CXCL5: variants seen among roughly 807,000 people sequenced by gnomAD.
CXCL5 encodes the protein C-X-C motif chemokine ligand 5.
CXCL5 carries 13 observed loss-of-function variants against 12.1 expected under a neutral mutation model. The ratio of observed to expected loss-of-function variants is 1.08; its 90% CI spans 0.70 to 1.71. The LOEUF (loss-of-function observed/expected upper bound fraction) is 1.71. CXCL5 is among the 40% of genes most tolerant of loss of function. The probability of loss-of-function intolerance (pLI) is 0.00; values close to 1 mark genes in which losing one functional copy is unlikely to be tolerated. For missense variants in CXCL5, 159 were observed against 142.4 expected, an observed-to-expected ratio of 1.12 and a Z score of -0.59; for synonymous variants, 67 against 59.0, an observed-to-expected ratio of 1.14 and a Z score of -0.62.
Position 73,998,050 on chromosome 4 carries a change from G to A in CXCL5, c.288C>T (p.Ala96=). ...TCTGGATGACTTTCTTTAGAAAAGG[G>A]GCTTCTGGATCAAGACAAATTTCCT... ...NGKEICLDPE[A]PFLKKVIQKI... The change falls in exon 3 of 4, where the codon GCC becomes GCT. Residue 96 remains alanine (A), a synonymous_variant. Transcript: ENST00000296027. 1 of 1,614,092 alleles carries A rather than the reference G, an allele frequency of 6.2e-7. No individual in the cohort carries two copies. The highest frequency in any genetic ancestry group is 1.1e-5 in the South Asian group (1 of 91,052).
intron 2 of CXCL5, 55 bp from the exon 3 acceptor site, chr4:73,998,150 G>A: frequency 3.1e-6 from 5 of 1,613,886 alleles, no homozygotes; most frequent in Non-Finnish European, 4.2e-6. Context: ...GAAGACCCAG[G>A]CTGCGGGATT....
rs1719221652 is a variant in CXCL5 at position 73,997,522 on chromosome 4, A to C, written c.*115T>G. The C allele has an allele frequency of 2.4e-6, 2 of 833,154 alleles. No individual in the cohort carries two copies. Among genetic ancestry groups the C allele is most frequent in the African/African-American group, 1.7e-5 (1 of 57,864 alleles). The allele number at this position is 833,154 out of a possible 1,614,324, so 51.6% of individuals were successfully genotyped here. A position where few individuals can be genotyped will look rare whatever the true frequency, so the allele number is the denominator to read the frequency against. ...AAGAAAGCTAACTACTGGAAAAACA[A>C]ATAAACAAACAACAACAAAATCTTT... On this transcript the variant is annotated 3_prime_UTR_variant, in exon 4 of 4. Coordinates refer to ENST00000296027, the MANE Select transcript of CXCL5 (RefSeq NM_002994.5).
At position 73,997,601 on chromosome 4, in the gene CXCL5, C is replaced by G; in HGVS notation, c.*36G>C. On this transcript the variant is annotated 3_prime_UTR_variant, in exon 4 of 4. Transcript: ENST00000296027. ...CTCCAGAAAACTTCTCTGCTGAAGA[C>G]TGGGAAACTTTTCCATGCGTGCTCA... The G allele has an allele frequency of 6.3e-7, 1 of 1,585,808 alleles. No individual in the cohort carries two copies. Among genetic ancestry groups the G allele is most frequent in the African/African-American group, 1.4e-5 (1 of 73,848 alleles).
Position 73,995,816 on chromosome 4 carries a change from A to G in CXCL5, c.*1821T>C, listed in dbSNP as rs1275675416. 6.7e-6 allele frequency: 1 copy of G among 148,722 alleles called. No individual in the cohort carries two copies. The highest frequency in any genetic ancestry group is 1.5e-5 in the Non-Finnish European group (1 of 67,316). The allele number at this position is 148,722 out of a possible 1,614,324, so 9.2% of individuals were successfully genotyped here. On this transcript the variant is annotated 3_prime_UTR_variant, in exon 4 of 4. Transcript: ENST00000296027. ...TACACAATAGGCATCTAAAAAGCTC[A>G]GCAATGCTAAATATATAATATATAT... is the stretch of plus-strand genomic sequence containing the variant.
chr4:73,997,733 TATG>T lies in CXCL5; in HGVS notation c.327-81_327-79del. The T allele has an allele frequency of 5.9e-6, 7 of 1,195,222 alleles. No individual in the cohort carries two copies. In the South Asian group the frequency reaches 9.3e-5, roughly 16 times the overall value. 74.0% of individuals were successfully genotyped at this position (1,195,222 alleles called of 1,614,324 possible). On this transcript the variant is annotated intron_variant, in intron 3 of 3. Transcript: ENST00000296027. ...TCCACCCTTGTCAAAACTCAGCGTTTATGATGTTTGGTAAAAAAGGAGAATACA... is the reference window on the plus strand; with the variant it reads ...TCCACCCTTGTCAAAACTCAGCGTTTATGTTTGGTAAAAAAGGAGAATACA...
Position 73,998,241 on chromosome 4 carries a change from G to C in CXCL5, c.207C>G (p.Phe69Leu), listed in dbSNP as rs1294829210. The C allele has an allele frequency of 1.2e-6, 2 of 1,614,104 alleles. No individual in the cohort carries two copies. Among genetic ancestry groups the C allele is most frequent in the Non-Finnish European group, 1.7e-6 (2 of 1,180,054 alleles). Reference sequence around the variant, plus strand: ...CCTTGGAGCACTGTGGGCCTATGGCGAACACTTGCAGATTACTGATCATTT... The same window carrying C: ...CCTTGGAGCACTGTGGGCCTATGGCCAACACTTGCAGATTACTGATCATTT... ...HPKMISNLQV[F>L]AIGPQCSKVE... is the part of the protein sequence containing the mutation. The change falls in exon 2 of 4, where the codon TTC becomes TTG. Residue 69 changes from phenylalanine to leucine, a missense_variant. Coordinates refer to ENST00000296027, the MANE Select transcript of CXCL5 (RefSeq NM_002994.5).
rs867871679 is a variant in CXCL5, at chr4:73,998,612, G to A, written c.-31C>T. 2.6e-6 allele frequency: 4 copies of A among 1,549,264 alleles called. No homozygotes were observed. The highest frequency in any genetic ancestry group is 3.9e-5 in the Admixed American group (2 of 51,408). ...TCAAGAGAGCGCTGCGAGCGGTCGC[G>A]GGTTCCTGAACTGGGTGGAGGAGCG... is the stretch of plus-strand genomic sequence containing the variant. On this transcript the variant is annotated 5_prime_UTR_variant, in exon 1 of 4. Coordinates refer to ENST00000296027, the MANE Select transcript of CXCL5 (RefSeq NM_002994.5).
rs201516261 is a variant in CXCL5, at chr4:73,998,663, G to A, written c.-82C>T. On this transcript the variant is annotated 5_prime_UTR_variant, in exon 1 of 4. Transcript: ENST00000296027. ...GAGATTGGAGGAGCGAAGATTGGAG[G>A]ATCCGGAGCACTGTGGCTTCCTCGT... 2.2e-4 allele frequency: 269 copies of A among 1,235,286 alleles called. No individual in the cohort carries two copies. The highest frequency in any genetic ancestry group is 3.0e-4 in the Non-Finnish European group (255 of 862,414). 76.5% of individuals were successfully genotyped at this position (1,235,286 alleles called of 1,614,324 possible).
At chr4:73,997,884 A>T (rs1214338627) in intron 3 of CXCL5, 128 bp downstream of exon 3, 20 of 999,238 alleles carry the variant, frequency 2.0e-5, no homozygotes, top group Non-Finnish European at 2.0e-5. Context: ...AAACTTTCCC[A>T]ATTCAACAAC....
chr4:73,995,800 G>T lies in CXCL5; in HGVS notation c.*1837C>A, dbSNP rs200667334. On this transcript the variant is annotated 3_prime_UTR_variant, in exon 4 of 4. Coordinates refer to ENST00000296027, the MANE Select transcript of CXCL5 (RefSeq NM_002994.5). ...CAAAACCTTTAAAAGATACACAATA[G>T]GCATCTAAAAAGCTCAGCAATGCTA... The T allele has an allele frequency of 6.7e-6, 1 of 148,292 alleles. No homozygotes were observed. Among genetic ancestry groups the T allele is most frequent in the African/African-American group, 2.5e-5 (1 of 40,592 alleles). 9.2% of individuals were successfully genotyped at this position (148,292 alleles called of 1,614,324 possible). A position where few individuals can be genotyped will look rare whatever the true frequency, so the allele number is the denominator to read the frequency against.
rs11551733 is a variant in CXCL5 at position 73,998,549 on chromosome 4, G to T, written c.33C>A (p.Val11=). Residue 11 remains valine (V), a synonymous_variant, in exon 1 of 4, where the codon GTC becomes GTA. Coordinates refer to ENST00000296027, the MANE Select transcript of CXCL5 (RefSeq NM_002994.5). The part of the protein sequence containing the change: MSLLSSRAAR[V]PGPSSSLCAL... ...CGCACAAGGAGCTCGAAGGACCGGG[G>T]ACACGGGCCGCGCGGCTGGACAGGA... The T allele has an allele frequency of 6.3e-7, 1 of 1,592,974 alleles. No individual in the cohort carries two copies. The highest frequency in any genetic ancestry group is 2.3e-5 in the East Asian group (1 of 43,662).
Position 73,996,951 on chromosome 4 carries a change from C to T in CXCL5, c.*686G>A, listed in dbSNP as rs1379124207. On this transcript the variant is annotated 3_prime_UTR_variant, in exon 4 of 4. Transcript: ENST00000296027. ...AAGTAAATGATGGCAGTTTGCCATACTAAAAAGATAAAGAATGTCTAAAAT... is the reference window on the plus strand; with the variant it reads ...AAGTAAATGATGGCAGTTTGCCATATTAAAAAGATAAAGAATGTCTAAAAT... 6.6e-6 allele frequency: 1 copy of T among 151,960 alleles called. No individual in the cohort carries two copies. The highest frequency in any genetic ancestry group is 2.4e-5 in the African/African-American group (1 of 41,402). 9.4% of individuals were successfully genotyped at this position (151,960 alleles called of 1,614,324 possible).
chr4:73,998,554 G>A lies in CXCL5; in HGVS notation c.28C>T (p.Arg10Cys), dbSNP rs1360118908. The A allele has an allele frequency of 3.8e-6, 6 of 1,591,326 alleles. No individual in the cohort carries two copies. Among genetic ancestry groups the A allele is most frequent in the Non-Finnish European group, 4.3e-6 (5 of 1,168,890 alleles). Residue 10 changes from arginine to cysteine, a missense_variant, in exon 1 of 4, where the codon CGT (arginine) becomes TGT (cysteine). By Grantham distance (180) the Arg-to-Cys change is radical. Coordinates refer to ENST00000296027, the MANE Select transcript of CXCL5 (RefSeq NM_002994.5). ...AAGGAGCTCGAAGGACCGGGGACAC[G>A]GGCCGCGCGGCTGGACAGGAGGCTC... is the stretch of plus-strand genomic sequence containing the variant. Reference protein sequence around the residue: MSLLSSRAARVPGPSSSLCA... With the variant: MSLLSSRAACVPGPSSSLCA...
rs1230142321 is a variant in CXCL5, at chr4:73,995,690, T to G, written c.*1947A>C. On this transcript the variant is annotated 3_prime_UTR_variant, in exon 4 of 4. Coordinates refer to ENST00000296027, the MANE Select transcript of CXCL5 (RefSeq NM_002994.5). ...TTTATTCAAAGGACAAAATAAAGAC[T>G]ATGAACCAATGAGACACATAGTAAA... 1 of 151,924 alleles carries G rather than the reference T, an allele frequency of 6.6e-6. No homozygotes were observed. Among genetic ancestry groups the G allele is most frequent in the Non-Finnish European group, 1.5e-5 (1 of 67,980 alleles). The allele number at this position is 151,924 out of a possible 1,614,324, so 9.4% of individuals were successfully genotyped here.
At chr4:73,997,727 A>G in intron 3 of CXCL5, 72 bp from the exon 4 acceptor site, 1 of 1,225,508 alleles carries the variant, frequency 8.2e-7, no homozygotes. Flanking sequence ...GTCAAAACTC[A>G]GCGTTTATGA....
chr4:73,997,897 T>G, intron 3 of CXCL5, 115 bp downstream of exon 3: 2 of 1,064,562 alleles, frequency 1.9e-6, no homozygotes, highest in Non-Finnish European at 2.8e-6. Context: ...TCAACAACCT[T>G]TTAATTCTAA....
rs1298756162 is a variant in CXCL5 at position 73,996,316 on chromosome 4, C to T, written c.*1321G>A. On this transcript the variant is annotated 3_prime_UTR_variant, in exon 4 of 4. Coordinates refer to ENST00000296027, the MANE Select transcript of CXCL5 (RefSeq NM_002994.5). ...CATTCAGACAGAAATGCTTCAAAAT[C>T]CCAGTGAAATGAACTGTGCTAAAAA... The T allele has an allele frequency of 1.3e-5, 2 of 152,552 alleles. No homozygotes were observed. Among genetic ancestry groups the T allele is most frequent in the Non-Finnish European group, 2.9e-5 (2 of 68,048 alleles). The allele number at this position is 152,552 out of a possible 1,614,324, so 9.4% of individuals were successfully genotyped here.
chr4:73,997,695 C>G, intron 3 of CXCL5, 40 bp from the exon 4 acceptor site: 1 of 1,516,846 alleles, frequency 6.6e-7, no homozygotes, highest in Non-Finnish European at 9.1e-7. Flanking sequence ...CCATTTTTCA[C>G]ACTCCTTTCT....
chr4:73,997,570 A>C lies in CXCL5; in HGVS notation c.*67T>G. 2.5e-6 allele frequency: 3 copies of C among 1,209,314 alleles called. No homozygotes were observed. The highest frequency in any genetic ancestry group is 1.9e-4 in the Middle Eastern group (1 of 5,162). The allele number at this position is 1,209,314 out of a possible 1,614,324, so 74.9% of individuals were successfully genotyped here. A position where few individuals can be genotyped will look rare whatever the true frequency, so the allele number is the denominator to read the frequency against. Reference sequence around the variant, plus strand: ...TTTCCTTCTTGTCTTCCCTGGGTTCAGAGACCTCCAGAAAACTTCTCTGCT... The same window carrying C: ...TTTCCTTCTTGTCTTCCCTGGGTTCCGAGACCTCCAGAAAACTTCTCTGCT... On this transcript the variant is annotated 3_prime_UTR_variant, in exon 4 of 4. Coordinates refer to ENST00000296027, the MANE Select transcript of CXCL5 (RefSeq NM_002994.5).
Sources: gnomAD v4.1 joint callset for allele counts on GRCh38, gnomAD v4.1.1 for gene constraint, MANE v1.5 for transcripts, NCBI Gene and HGNC (gene_info 2026-07-23, HGNC 2026-07-21) for gene names.